RLN2: variants seen among roughly 807,000 people sequenced by gnomAD.
RLN2 encodes relaxin 2, also known as prorelaxin H2.
Under a neutral mutation model 7.3 loss-of-function variants are expected in RLN2, and 10 were observed. The ratio of observed to expected loss-of-function variants is 1.36; its 90% CI spans 0.84 to 2.31. The LOEUF (loss-of-function observed/expected upper bound fraction) is 2.31, where lower values mean the gene tolerates loss of function less well. Ranked by LOEUF, RLN2 falls within the 30% of genes most tolerant of loss-of-function variation. The pLI is 0.00. For synonymous variants in RLN2, 103 were observed against 82.3 expected (o/e 1.25, Z -1.36); for missense variants, 298 against 217.6 (o/e 1.37, Z -2.32).
the RLN2 span, among the ~76,000 whole-genome samples, chr9:5,319,820 AAATAAG>A: frequency 6.6e-6 from 1 of 152,062 alleles, no homozygotes; most frequent in Admixed American, 6.6e-5. Context: ...ACTCATTAAG[AAATAAG>A]AATAACATTC....
upstream of RLN2, among the ~76,000 whole-genome samples, chr9:5,308,454 G>C (rs571230809): frequency 2.0e-5 from 3 of 151,992 alleles, no homozygotes; most frequent in South Asian, 6.3e-4. Flanking sequence ...AAAACAATAA[G>C]ATGTCACTGT....
upstream of RLN2, chr9:5,304,957 G>C (rs116139437): frequency 5.3e-3 from 1,072 of 204,166 alleles, 19 homozygotes; most frequent in African/African-American, 0.022. Flanking sequence ...TACACACACA[G>C]AAACAAATTT....
Position 5,300,421 on chromosome 9 carries a change from T to C in RLN2, c.235A>G (p.Lys79Glu). 6.2e-7 allele frequency: 1 copy of C among 1,607,330 alleles called. No homozygotes were observed. The highest frequency in any genetic ancestry group is 8.5e-7 in the Non-Finnish European group (1 of 1,177,276). Residue 79 changes from lysine to glutamate, a missense_variant, in exon 2 of 2, where the codon AAA becomes GAA. Coordinates refer to ENST00000381627, the MANE Select transcript of RLN2 (RefSeq NM_134441.3). Reference sequence around the variant, plus strand: ...ATCATATTTATGGTTTCTGTATCTTTGTTGATGAAGGATGGCACAATTTCT... The same window carrying C: ...ATCATATTTATGGTTTCTGTATCTTCGTTGATGAAGGATGGCACAATTTCT... ...VAEIVPSFIN[K>E]DTETINMMSE...
At chr9:5,325,288 T>G in the RLN2 span, among the ~76,000 whole-genome samples, 4 of 151,522 alleles carry the variant, frequency 2.6e-5, no homozygotes, top group Non-Finnish European at 1.5e-5. Flanking sequence ...TGGAAGTCCA[T>G]CAAAGACATA....
At chr9:5,300,496 G>T (rs1203038975) in intron 1 of RLN2, 52 bp from the exon 2 acceptor site, 4 of 1,236,770 alleles carry the variant, frequency 3.2e-6, no homozygotes, top group Non-Finnish European at 4.5e-6. Context: ...ATGTCAAAGA[G>T]CACTCAGAAA....
chr9:5,308,076 G>C (rs924883841), upstream of RLN2, among the ~76,000 whole-genome samples: 14 of 151,306 alleles, frequency 9.3e-5, 1 homozygote, highest in African/African-American at 3.2e-4. Context: ...TTGAGATTTG[G>C]AGAATAAGAA....
chr9:5,324,877 C>A, the RLN2 span, among the ~76,000 whole-genome samples: 1 of 151,950 alleles, frequency 6.6e-6, no homozygotes, highest in Non-Finnish European at 1.5e-5. Flanking sequence ...AAAAACTCAA[C>A]ATATTCAATT....
At chr9:5,337,554 T>C in the RLN2 span, among the ~76,000 whole-genome samples, 3 of 151,988 alleles carry the variant, frequency 2.0e-5, no homozygotes, top group Non-Finnish European at 4.4e-5. Flanking sequence ...TTGGCACACA[T>C]TGTAAGATAA....
upstream of RLN2, among the ~76,000 whole-genome samples, chr9:5,309,196 G>A (rs1249086134): frequency 6.6e-6 from 1 of 152,054 alleles, no homozygotes; most frequent in Non-Finnish European, 1.5e-5. Context: ...TAGAGGGACA[G>A]AGGAGCCAGT....
the RLN2 span, among the ~76,000 whole-genome samples, chr9:5,313,869 G>C: frequency 6.6e-6 from 1 of 152,092 alleles, no homozygotes; most frequent in African/African-American, 2.4e-5. Flanking sequence ...ACTCTGTAGT[G>C]TGCAGAAACC....
the RLN2 span, chr9:5,311,450 C>G: frequency 1.7e-6 from 1 of 603,952 alleles, no homozygotes; most frequent in Non-Finnish European, 2.9e-6. Context: ...CCAGCATGCC[C>G]AAGAGAAAGG....
At chr9:5,333,867 A>T in the RLN2 span, among the ~76,000 whole-genome samples, 1 of 152,090 alleles carries the variant, frequency 6.6e-6, no homozygotes, top group East Asian at 1.9e-4. Flanking sequence ...GGTACAACAT[A>T]CACAAATCAA....
chr9:5,317,225 T>C, the RLN2 span, among the ~76,000 whole-genome samples: 1 of 152,132 alleles, frequency 6.6e-6, no homozygotes, highest in Non-Finnish European at 1.5e-5. Flanking sequence ...CAATAATTAC[T>C]TTGAATGTAA....
At chr9:5,324,330 A>G in the RLN2 span, among the ~76,000 whole-genome samples, 4 of 152,050 alleles carry the variant, frequency 2.6e-5, no homozygotes, top group Non-Finnish European at 2.9e-5. Flanking sequence ...AGGTCTTCAT[A>G]TTCAAAATTC....
At chr9:5,335,896 A>G in the RLN2 span, among the ~76,000 whole-genome samples, 3 of 151,980 alleles carry the variant, frequency 2.0e-5, no homozygotes, top group South Asian at 4.2e-4. Flanking sequence ...TTACTCTGTC[A>G]TCTTTCTGAA....
the RLN2 span, among the ~76,000 whole-genome samples, chr9:5,332,109 TAAA>T: frequency 6.6e-6 from 1 of 151,968 alleles, no homozygotes; most frequent in South Asian, 2.1e-4. Context: ...TTAAGTCAAT[TAAA>T]AAAACAAAAC....
the RLN2 span, among the ~76,000 whole-genome samples, chr9:5,312,084 T>C: frequency 1.4e-4 from 22 of 152,158 alleles, no homozygotes; most frequent in African/African-American, 3.1e-4. Context: ...ATGTCACTAA[T>C]AGAATGTCTC....
upstream of RLN2, among the ~76,000 whole-genome samples, chr9:5,309,222 T>C (rs1184182628): frequency 2.3e-4 from 35 of 152,070 alleles, no homozygotes; most frequent in Middle Eastern, 3.2e-3. Flanking sequence ...CTGTATATAA[T>C]GTGTTCTATG....
the RLN2 span, among the ~76,000 whole-genome samples, chr9:5,324,956 T>A: frequency 6.6e-6 from 1 of 152,044 alleles, no homozygotes. Flanking sequence ...GGCGTTGCTT[T>A]GCAAATTCAT....
Sources: allele counts gnomAD v4.1 joint callset (sites outside exome capture counted in the v4.1 genomes callset), GRCh38; gene constraint gnomAD v4.1.1; transcripts MANE v1.5; gene names NCBI Gene and HGNC (gene_info 2026-07-23, HGNC 2026-07-21).